BNC2: variants seen among roughly 807,000 people sequenced by gnomAD.
BNC2 encodes basonuclin zinc finger protein 2, also known as zinc finger protein basonuclin-2.
BNC2 carries 20 observed loss-of-function variants against 76.3 expected under a neutral mutation model. The observed-to-expected ratio is 0.26, with a 90% CI of 0.18 to 0.38. BNC2 has a LOEUF of 0.38. Ranked by LOEUF, BNC2 falls within the 10% of genes least tolerant of loss-of-function variation. The pLI is 1.00. For synonymous variants in BNC2, 582 were observed against 514.8 expected, an observed-to-expected ratio of 1.13 and a Z score of -1.77; for missense variants, 1,382 against 1,399.8, an observed-to-expected ratio of 0.99 and a Z score of 0.20.
At chr9:16,529,458 T>C (rs750355698) in intron 5 of BNC2, among the ~76,000 whole-genome samples, 7 of 152,162 alleles carry the variant, frequency 4.6e-5, no homozygotes, top group Non-Finnish European at 7.4e-5. Flanking sequence ...GCATTATACA[T>C]TACTGCAATG....
chr9:16,429,725 T>G (rs1820869216), intron 6 of BNC2: 2 of 306,790 alleles, frequency 6.5e-6, no homozygotes, highest in Admixed American at 4.0e-5. Flanking sequence ...CAATAGAAAT[T>G]TGTAAAAATC....
At chr9:16,758,521 G>T (rs1825459569) in intron 1 of BNC2, among the ~76,000 whole-genome samples, 1 of 152,074 alleles carries the variant, frequency 6.6e-6, no homozygotes, top group African/African-American at 2.4e-5. Flanking sequence ...AGTAGAGACA[G>T]GGTTTCACCG....
intron 5 of BNC2, among the ~76,000 whole-genome samples, chr9:16,485,768 C>T (rs1460266381): frequency 6.6e-6 from 1 of 151,962 alleles, no homozygotes. Flanking sequence ...GTTACCACAC[C>T]ACTGCACTCT....
intron 4 of BNC2, among the ~76,000 whole-genome samples, chr9:16,580,866 T>C (rs934662437): frequency 6.6e-6 from 1 of 152,200 alleles, no homozygotes; most frequent in Non-Finnish European, 1.5e-5. Flanking sequence ...AATAAGACTG[T>C]AAAGTAGGAA....
intron 3 of BNC2, among the ~76,000 whole-genome samples, chr9:16,659,816 T>A (rs1206239944): frequency 1.3e-5 from 2 of 152,084 alleles, no homozygotes; most frequent in African/African-American, 4.8e-5. Context: ...TCACTTCCCA[T>A]CCCCTTATTC....
intron 1 of BNC2, among the ~76,000 whole-genome samples, chr9:16,788,308 C>T (rs993649452): frequency 6.6e-6 from 1 of 152,110 alleles, no homozygotes; most frequent in African/African-American, 2.4e-5. Flanking sequence ...AATCCCAGCA[C>T]TCTGGGAGGC....
intron 5 of BNC2, among the ~76,000 whole-genome samples, chr9:16,542,430 T>C (rs1818353068): frequency 6.6e-6 from 1 of 152,122 alleles, no homozygotes; most frequent in African/African-American, 2.4e-5. Flanking sequence ...AAAGTAGACA[T>C]AACAGATCAC....
chr9:16,716,058 C>T (rs1476291190), intron 3 of BNC2, among the ~76,000 whole-genome samples: 1 of 152,136 alleles, frequency 6.6e-6, no homozygotes, highest in Non-Finnish European at 1.5e-5. Context: ...ACAATCTTTA[C>T]ATTGGTTTTC....
At chr9:16,637,179 C>T (rs1018102947) in intron 3 of BNC2, among the ~76,000 whole-genome samples, 1 of 151,466 alleles carries the variant, frequency 6.6e-6, no homozygotes, top group African/African-American at 2.4e-5. Flanking sequence ...ATTTTGTGTT[C>T]AAAATTACTC....
chr9:16,669,214 C>CA (rs1822399168), intron 3 of BNC2, among the ~76,000 whole-genome samples: 1 of 152,066 alleles, frequency 6.6e-6, no homozygotes, highest in Admixed American at 6.6e-5. Flanking sequence ...AAGCAACTGC[C>CA]ATATATTGAA....
At chr9:16,741,578 T>C (rs965856682) in intron 1 of BNC2, among the ~76,000 whole-genome samples, 2 of 151,896 alleles carry the variant, frequency 1.3e-5, no homozygotes, top group African/African-American at 4.8e-5. Context: ...TCCAAGAAAG[T>C]ATAGCTCAGA....
At chr9:16,486,946 C>A (rs1361763189) in intron 5 of BNC2, among the ~76,000 whole-genome samples, 2 of 152,190 alleles carry the variant, frequency 1.3e-5, no homozygotes, top group Non-Finnish European at 2.9e-5. Flanking sequence ...TCGGATCATG[C>A]AGTCCTCCCA....
At chr9:16,671,462 C>A (rs1399220511) in intron 3 of BNC2, among the ~76,000 whole-genome samples, 1 of 152,200 alleles carries the variant, frequency 6.6e-6, no homozygotes, top group African/African-American at 2.4e-5. Flanking sequence ...AAAAGCCAAA[C>A]TCAGGAGACA....
intron 1 of BNC2, among the ~76,000 whole-genome samples, chr9:16,765,848 A>G (rs541737981): frequency 2.3e-3 from 341 of 148,718 alleles, no homozygotes; most frequent in Non-Finnish European, 3.8e-3. Context: ...GTGCAGTGGC[A>G]CGATCTCGGC....
chr9:16,770,017 G>C (rs889108992), intron 1 of BNC2, among the ~76,000 whole-genome samples: 4 of 152,092 alleles, frequency 2.6e-5, no homozygotes, highest in Admixed American at 1.3e-4. Flanking sequence ...TACAGCCTAC[G>C]GTTTTGCTCA....
rs1554629153 is a variant in BNC2, at chr9:16,418,873, G to GCACGCACACACACACA, written c.*115_*116insTGTGTGTGTGTGCGTG. Reference sequence around the variant, plus strand: ...ATGTAGCCACAGAGCATACATAAATGCACACACACACACACACACACACAC... The same window carrying GCACGCACACACACACA: ...ATGTAGCCACAGAGCATACATAAATGCACGCACACACACACACACACACACACACACACACACACAC... On this transcript the variant is annotated 3_prime_UTR_variant, in exon 7 of 7. Transcript: ENST00000380672. 2.6e-6 allele frequency: 2 copies of GCACGCACACACACACA among 760,222 alleles called. No homozygotes were observed. The highest frequency in any genetic ancestry group is 3.7e-5 in the African/African-American group (2 of 53,840). The allele number at this position is 760,222 out of a possible 1,614,324, so 47.1% of individuals were successfully genotyped here. A position where few individuals can be genotyped will look rare whatever the true frequency, so the allele number is the denominator to read the frequency against.
intron 4 of BNC2, among the ~76,000 whole-genome samples, chr9:16,563,699 C>T (rs950350724): frequency 3.3e-5 from 5 of 152,164 alleles, no homozygotes; most frequent in African/African-American, 4.8e-5. Flanking sequence ...ACAGATGTCT[C>T]AGCAGTTACA....
At chr9:16,440,020 C>T (rs1426658096) in intron 5 of BNC2, among the ~76,000 whole-genome samples, 2 of 152,236 alleles carry the variant, frequency 1.3e-5, no homozygotes, top group Non-Finnish European at 2.9e-5. Context: ...CAGTTGGTAT[C>T]ATTCACATTC....
chr9:16,659,478 CAT>C (rs1822041285), intron 3 of BNC2, among the ~76,000 whole-genome samples: 2 of 151,966 alleles, frequency 1.3e-5, no homozygotes, highest in Non-Finnish European at 1.5e-5. Context: ...TGTGGTGGTG[CAT>C]GCCTGTAATC....
Sources: gnomAD v4.1 joint callset for allele counts (sites outside exome capture counted in the v4.1 genomes callset) on GRCh38, gnomAD v4.1.1 for gene constraint, MANE v1.5 for transcripts, NCBI Gene and HGNC (gene_info 2026-07-23, HGNC 2026-07-21) for gene names.